Variants in CEP85L observed in about 807,000 individuals in gnomAD.
CEP85L encodes centrosomal protein of 85 kDa-like.
In CEP85L, 60 loss-of-function variants were observed where a neutral mutation model predicts 100.3. The observed-to-expected ratio is 0.60, with a 90% confidence interval of 0.49 to 0.74. CEP85L has a LOEUF of 0.74. Among genes scored for constraint, CEP85L ranks in the 30% least tolerant of loss-of-function variants. CEP85L has a pLI of 0.00. For missense variants in CEP85L, 973 were observed against 936.2 expected (o/e 1.04, Z -0.51); for synonymous variants, 319 against 322.7 (o/e 0.99, Z 0.12).
At chr6:118,594,320 C>T (rs1276669731) in intron 2 of CEP85L, among the ~76,000 whole-genome samples, 2 of 152,116 alleles carry the variant, frequency 1.3e-5, no homozygotes, top group African/African-American at 4.8e-5. Flanking sequence ...AGGATGACCT[C>T]AAAATTTATA....
chr6:118,607,688 C>A (rs923422590), intron 2 of CEP85L, among the ~76,000 whole-genome samples: 3 of 152,148 alleles, frequency 2.0e-5, no homozygotes, highest in African/African-American at 7.2e-5. Context: ...GACTCTAACT[C>A]CCCTAAGTTG....
intron 4 of CEP85L, among the ~76,000 whole-genome samples, chr6:118,521,031 T>G (rs1776637356): frequency 6.6e-6 from 1 of 152,204 alleles, no homozygotes; most frequent in Admixed American, 6.5e-5. Context: ...AAAAACACAT[T>G]TTTTCTCATG....
At chr6:118,511,115 G>C (rs983676712) in intron 5 of CEP85L, among the ~76,000 whole-genome samples, 183 bp downstream of exon 5, 2 of 152,064 alleles carry the variant, frequency 1.3e-5, no homozygotes, top group African/African-American at 4.8e-5. Flanking sequence ...TGTGTGGAGA[G>C]GGGTGTGCAA....
intron 2 of CEP85L, among the ~76,000 whole-genome samples, chr6:118,615,980 G>T (rs1279013697): frequency 2.0e-5 from 3 of 152,064 alleles, no homozygotes; most frequent in Non-Finnish European, 4.4e-5. Flanking sequence ...ATAGCCGTAA[G>T]TATAACAACT....
chr6:118,498,309 C>G (rs1432337907), intron 5 of CEP85L, among the ~76,000 whole-genome samples: 1 of 152,032 alleles, frequency 6.6e-6, no homozygotes, highest in Non-Finnish European at 1.5e-5. Flanking sequence ...GCCTAGGCAA[C>G]ATAGTGAGAC....
intron 3 of CEP85L, among the ~76,000 whole-genome samples, chr6:118,532,038 A>T (rs1484102433): frequency 2.0e-5 from 3 of 152,198 alleles, no homozygotes; most frequent in Non-Finnish European, 4.4e-5. Flanking sequence ...TCTACCGGAG[A>T]CACATGCACA....
intron 4 of CEP85L, among the ~76,000 whole-genome samples, chr6:118,516,947 T>A (rs1183805505): frequency 6.6e-6 from 1 of 152,194 alleles, no homozygotes; most frequent in African/African-American, 2.4e-5. Context: ...AGGGGTTCAG[T>A]TTCAGTTTTC....
At chr6:118,619,285 C>A (rs979828366) in intron 2 of CEP85L, among the ~76,000 whole-genome samples, 1 of 152,146 alleles carries the variant, frequency 6.6e-6, no homozygotes, top group Non-Finnish European at 1.5e-5. Context: ...TGCCTGGCCA[C>A]AGTACTCCTT....
intron 5 of CEP85L, among the ~76,000 whole-genome samples, chr6:118,500,034 C>T (rs187450667): frequency 6.6e-6 from 1 of 152,334 alleles, no homozygotes; most frequent in East Asian, 1.9e-4. Context: ...GGTGCAGTGG[C>T]TCATGACTGT....
intron 12 of CEP85L, 31 bp downstream of exon 12, chr6:118,469,041 A>G (rs760800208): frequency 1.3e-6 from 2 of 1,508,816 alleles, no homozygotes; most frequent in South Asian, 2.3e-5. Context: ...TCTAATTGCC[A>G]CAAAATAAGG....
intron 11 of CEP85L, 128 bp downstream of exon 11, chr6:118,470,409 C>A: frequency 6.4e-6 from 3 of 469,510 alleles, no homozygotes; most frequent in Non-Finnish European, 1.1e-5. Flanking sequence ...TGGTAAGAAA[C>A]AATGGAATTA....
intron 5 of CEP85L, among the ~76,000 whole-genome samples, chr6:118,503,186 C>T (rs929783407): frequency 1.3e-5 from 2 of 152,130 alleles, no homozygotes; most frequent in Non-Finnish European, 2.9e-5. Context: ...AAATTCACTA[C>T]CATCTATATA....
At chr6:118,555,846 T>C (rs1287303521) in intron 3 of CEP85L, among the ~76,000 whole-genome samples, 1 of 149,092 alleles carries the variant, frequency 6.7e-6, no homozygotes, top group East Asian at 1.9e-4. Context: ...GTTTCCTTCT[T>C]TGTGTTCATA....
chr6:118,538,028 C>A, intron 3 of CEP85L: 1 of 615,950 alleles, frequency 1.6e-6, no homozygotes, highest in Non-Finnish European at 2.0e-6. Flanking sequence ...AATCTTTATT[C>A]ACCAAGAGAA....
At position 118,469,269 on chromosome 6, in the gene CEP85L, A is replaced by C. The variant is rs749096201; in HGVS notation, c.2057T>G (p.Leu686Trp). Residue 686 changes from leucine (L) to tryptophan (W), a missense_variant, in exon 12 of 13, where the codon TTG becomes TGG. This residue lies in a region of CEP85L where 890 missense variants were observed against 844.5 expected (regional missense o/e 1.05). Coordinates refer to ENST00000368491, the MANE Select transcript of CEP85L (RefSeq NM_001042475.3). ...TTGGTCAGGTTCCTGGCCCTGATCC[A>C]ATAAAGAGCATGTCTCATCTGTTTG... Reference protein sequence around the residue: ...QRQTDETCSLLDQGQEPDQSR... With the variant: ...QRQTDETCSLWDQGQEPDQSR... 84 of 1,613,894 alleles carry C rather than the reference A, an allele frequency of 5.2e-5. No individual in the cohort carries two copies. The highest frequency in any genetic ancestry group is 6.7e-5 in the Non-Finnish European group (79 of 1,179,900).
intron 6 of CEP85L, among the ~76,000 whole-genome samples, chr6:118,487,180 T>G (rs991319064): frequency 1.3e-5 from 2 of 152,112 alleles, no homozygotes; most frequent in African/African-American, 4.8e-5. Flanking sequence ...AGCCAAGTAT[T>G]TACCATGCAA....
At chr6:118,696,891 G>A (rs1478151529) in intron 1 of CEP85L, among the ~76,000 whole-genome samples, 2 of 152,098 alleles carry the variant, frequency 1.3e-5, no homozygotes, top group South Asian at 2.1e-4. Flanking sequence ...TTGCCATCCT[G>A]AGCATATTAC....
rs765372934 is a variant in CEP85L at position 118,527,351 on chromosome 6, T to C, written c.1021-3431A>G. 4.7e-4 allele frequency among the ~76,000 whole-genome samples: 71 copies of C among 152,054 alleles called. 1 individual carries two copies. The highest frequency in any genetic ancestry group is 7.9e-4 in the Admixed American group (12 of 15,256). The stretch of plus-strand genomic sequence containing the variant: ...TTTCCCTGTACTGTCGGCTCGCTGT[T>C]TTCCTTCCCGCACAAAGCCAAGAAC... On this transcript the variant is annotated intron_variant, in intron 3 of 12. Coordinates refer to ENST00000368491, the MANE Select transcript of CEP85L (RefSeq NM_001042475.3).
intron 1 of CEP85L, among the ~76,000 whole-genome samples, chr6:118,647,507 G>A (rs781493475): frequency 7.9e-5 from 12 of 152,004 alleles, no homozygotes; most frequent in Admixed American, 3.3e-4. Context: ...GATTACAGGC[G>A]CACGCCACCA....
Sources: gnomAD v4.1 joint callset for allele counts (sites outside exome capture counted in the v4.1 genomes callset) on GRCh38, gnomAD v4.1.1 for gene constraint, gnomAD v4.1.1 regional missense constraint, MANE v1.5 for transcripts, NCBI Gene and HGNC (gene_info 2026-07-23, HGNC 2026-07-21) for gene names.